GFRA2: variants seen among roughly 807,000 people sequenced by gnomAD.
GFRA2 encodes GDNF family receptor alpha-2.
In GFRA2, 17 loss-of-function variants were observed where a neutral mutation model predicts 48.3. The observed-to-expected ratio is 0.35, with a 90% CI of 0.24 to 0.53. The LOEUF (loss-of-function observed/expected upper bound fraction) is 0.53, where lower values mean the gene tolerates loss of function less well. GFRA2 is among the 20% of genes least tolerant of loss of function. The pLI, the probability that GFRA2 is intolerant of heterozygous loss-of-function variation, is 0.93. For missense variants in GFRA2, 660 were observed against 637.3 expected (o/e 1.04, Z -0.38); for synonymous variants, 305 against 257.2 (o/e 1.19, Z -1.78).
At chr8:21,785,430 C>T (rs1807223240) in intron 1 of GFRA2, among the ~76,000 whole-genome samples, 1 of 152,222 alleles carries the variant, frequency 6.6e-6, no homozygotes, top group Non-Finnish European at 1.5e-5. Flanking sequence ...AGAAAGGAAT[C>T]CCTGCAGCCT....
intron 4 of GFRA2, among the ~76,000 whole-genome samples, chr8:21,744,729 A>G (rs532560971): frequency 1.1e-4 from 16 of 152,316 alleles, no homozygotes; most frequent in Non-Finnish European, 1.9e-4. Context: ...GAAGTTCTCC[A>G]GGCTTTCCAG....
chr8:21,711,542 G>C (rs1190431831), intron 4 of GFRA2, among the ~76,000 whole-genome samples: 1 of 152,202 alleles, frequency 6.6e-6, no homozygotes, highest in African/African-American at 2.4e-5. Flanking sequence ...GAGAGAGAGA[G>C]ACACTTGACC....
intron 2 of GFRA2, among the ~76,000 whole-genome samples, chr8:21,797,929 T>TTTC (rs1807706527): frequency 1.3e-5 from 2 of 152,162 alleles, no homozygotes; most frequent in African/African-American, 4.8e-5. Context: ...TGCTGTTTGC[T>TTTC]TTCAACAACA....
intron 4 of GFRA2, among the ~76,000 whole-genome samples, chr8:21,725,440 C>A (rs1248670427): frequency 6.6e-6 from 1 of 152,044 alleles, no homozygotes; most frequent in East Asian, 1.9e-4. Context: ...GTATGCTGAG[C>A]CAGCCCAGAC....
intron 7 of GFRA2, among the ~76,000 whole-genome samples, chr8:21,702,541 C>A (rs1380683428): frequency 1.3e-5 from 2 of 152,224 alleles, no homozygotes; most frequent in Admixed American, 6.5e-5. Flanking sequence ...TGCACCTGCA[C>A]CGAGGCTGTG....
In GFRA2 at chr8:21,794,233, CTTTTTTTTTTTTTT is replaced by C. The variant is rs1159236794; in HGVS notation, c.-35-6053_-35-6040del. On this transcript the variant is annotated intron_variant, in intron 2 of 10. Transcript: ENST00000517328. ...AAAATTAAGCTTATCCTGAGAGTGA[CTTTTTTTTTTTTTT>C]TTTTTTTTTTTTTGAAACGGAGTCT... 4.6e-3 allele frequency among the ~76,000 whole-genome samples: 306 copies of C among 67,004 alleles called. 1 individual carries two copies. The highest frequency in any genetic ancestry group is 0.017 in the African/African-American group (293 of 16,820). 44.0% of individuals were successfully genotyped at this position (67,004 alleles called of 152,430 possible).
At position 21,782,672 on chromosome 8, in the gene GFRA2, G is replaced by A; in HGVS notation, c.268C>T (p.Leu90=). ...CCCCGCTTGCAGCGGCAGTCGTACA[G>A]CGGGCTCTCCTGCAAGACCTCCAAG... ...AALEVLQESP[L]YDCRCKRGMK... is the part of the protein sequence containing the mutation. The change falls in exon 2 of 9, where the codon CTG becomes TTG. Residue 90 remains leucine, a synonymous_variant. Transcript: ENST00000524240. 3 of 1,588,062 alleles carry A rather than the reference G, an allele frequency of 1.9e-6. No homozygotes were observed. Among genetic ancestry groups the A allele is most frequent in the East Asian group, 2.3e-5 (1 of 43,226 alleles).
intron 3 of GFRA2, among the ~76,000 whole-genome samples, chr8:21,760,647 A>G (rs1043555192): frequency 1.3e-5 from 2 of 152,226 alleles, no homozygotes; most frequent in African/African-American, 4.8e-5. Context: ...AGAAGGGTCC[A>G]CAAGCCTGGA....
At chr8:21,701,444 G>C (rs545466535) in intron 7 of GFRA2, among the ~76,000 whole-genome samples, 2 of 152,166 alleles carry the variant, frequency 1.3e-5, no homozygotes, top group African/African-American at 2.4e-5. Flanking sequence ...CTGAATCAGA[G>C]GCCCTTCCTC....
At chr8:21,769,257 C>T (rs1806329441) in intron 3 of GFRA2, 2 of 664,748 alleles carry the variant, frequency 3.0e-6, no homozygotes, top group Non-Finnish European at 3.7e-6. Flanking sequence ...GCCCCAGCCC[C>T]GCCCCTGCCC....
Position 21,810,991 on chromosome 8 carries a change from G to A in GFRA2, c.-148+1240C>T, listed in dbSNP as rs142211184. On this transcript the variant is annotated intron_variant, in intron 1 of 10. Transcript: ENST00000517328. ...AAAGGGGCTGCCTCTTGACAGCCTCGCAGAAGTGCTTGACACTCTTGTCCT... is the reference window on the plus strand; with the variant it reads ...AAAGGGGCTGCCTCTTGACAGCCTCACAGAAGTGCTTGACACTCTTGTCCT... Among the ~76,000 whole-genome samples the A allele has an allele frequency of 4.4e-4, 67 of 152,332 alleles. No individual in the cohort carries two copies. The East Asian group carries it at 7.7e-3, about 18-fold the overall frequency.
chr8:21,809,470 G>T (rs1052978771), intron 1 of GFRA2, among the ~76,000 whole-genome samples: 8 of 147,400 alleles, frequency 5.4e-5, no homozygotes, highest in Admixed American at 4.7e-4. Flanking sequence ...GACTACAGGC[G>T]CCCGCCACCA....
At chr8:21,781,559 G>A (rs1195921999) in intron 2 of GFRA2, among the ~76,000 whole-genome samples, 3 of 152,190 alleles carry the variant, frequency 2.0e-5, no homozygotes, top group South Asian at 2.1e-4. Context: ...CAGCAAAGAC[G>A]TGGATGCCCC....
chr8:21,710,821 C>T (rs1474530070), intron 4 of GFRA2, among the ~76,000 whole-genome samples: 1 of 152,236 alleles, frequency 6.6e-6, no homozygotes, highest in African/African-American at 2.4e-5. Context: ...GCCTTCTGTT[C>T]CTCCATTGCG....
chr8:21,768,477 C>T (rs1806285743), intron 3 of GFRA2, among the ~76,000 whole-genome samples: 1 of 152,140 alleles, frequency 6.6e-6, no homozygotes, highest in Non-Finnish European at 1.5e-5. Flanking sequence ...GGCACCAGCC[C>T]GACCTGCTGA....
At chr8:21,713,025 G>T (rs922819139) in intron 4 of GFRA2, among the ~76,000 whole-genome samples, 3 of 150,126 alleles carry the variant, frequency 2.0e-5, no homozygotes, top group Non-Finnish European at 4.5e-5. Context: ...CGAGGGAGAG[G>T]GAGAGGGAGA....
chr8:21,725,391 C>T lies in GFRA2; in HGVS notation c.795-19350G>A, dbSNP rs1803817104. Reference sequence around the variant, plus strand: ...CAGGGCAGAAGCCCTTTACAGAAGCCCAGTGAATGCCCAGCCTGGGGCGGG... The same window carrying T: ...CAGGGCAGAAGCCCTTTACAGAAGCTCAGTGAATGCCCAGCCTGGGGCGGG... On this transcript the variant is annotated intron_variant, in intron 4 of 8. Coordinates refer to ENST00000524240, the MANE Select transcript of GFRA2 (RefSeq NM_001495.5). Among the ~76,000 whole-genome samples the T allele has an allele frequency of 2.0e-5, 3 of 152,208 alleles. No individual in the cohort carries two copies. The South Asian group carries it at 6.2e-4, about 32-fold the overall frequency.
intron 4 of GFRA2, among the ~76,000 whole-genome samples, chr8:21,724,038 G>C (rs1803735901): frequency 6.6e-6 from 1 of 152,124 alleles, no homozygotes. Flanking sequence ...GGCTCACCAG[G>C]AAACAAGAGA....
intron 2 of GFRA2, among the ~76,000 whole-genome samples, chr8:21,798,421 G>A (rs1191050984): frequency 6.6e-6 from 1 of 151,912 alleles, no homozygotes; most frequent in African/African-American, 2.4e-5. Flanking sequence ...GAATCTCAGT[G>A]CTCTCCTCAT....
Sources: allele counts gnomAD v4.1 joint callset (sites outside exome capture counted in the v4.1 genomes callset), GRCh38; gene constraint gnomAD v4.1.1; transcripts MANE v1.5; gene names NCBI Gene and HGNC (gene_info 2026-07-23, HGNC 2026-07-21).